PAPPA2: variants seen among roughly 807,000 people sequenced by gnomAD.
PAPPA2 encodes pappalysin 2.
A neutral mutation model predicts 176.4 loss-of-function variants in PAPPA2; 86 were observed. That is an observed-to-expected ratio of 0.49 (90% confidence interval 0.41 to 0.58). PAPPA2 has a LOEUF of 0.58. Among genes scored for constraint, PAPPA2 ranks in the 20% least tolerant of loss-of-function variants. PAPPA2 has a pLI of 0.00. For synonymous variants in PAPPA2, 809 were observed against 852.2 expected (o/e 0.95, Z 0.88); for missense variants, 2,073 against 2,256.9 (o/e 0.92, Z 1.65).
intron 21 of PAPPA2, among the ~76,000 whole-genome samples, chr1:176,830,852 T>A (rs1371024967): frequency 6.6e-6 from 1 of 152,136 alleles, no homozygotes; most frequent in Non-Finnish European, 1.5e-5. Context: ...TGGCAATGAG[T>A]CCACCTGATG....
intron 5 of PAPPA2, 92 bp from the exon 6 acceptor site, chr1:176,692,034 C>A: frequency 1.6e-6 from 2 of 1,242,394 alleles, no homozygotes; most frequent in Non-Finnish European, 2.3e-6. Flanking sequence ...TAAGTTAACT[C>A]AGCCATGAAC....
At chr1:176,633,692 A>G (rs543126879) in intron 3 of PAPPA2, among the ~76,000 whole-genome samples, 26 of 152,302 alleles carry the variant, frequency 1.7e-4, no homozygotes, top group African/African-American at 5.8e-4. Context: ...TTTGCAATCT[A>G]CTCATCTGAC....
chr1:176,556,787 G>A lies in PAPPA2; in HGVS notation c.465G>A (p.Glu155=). The A allele has an allele frequency of 6.2e-7, 1 of 1,614,134 alleles. No individual in the cohort carries two copies. Residue 155 remains glutamate (E), a synonymous_variant, in exon 2 of 23, where the codon GAG becomes GAA. Transcript: ENST00000367662. Reference sequence around the variant, plus strand: ...ATCTCGGCAATCAAAGATCCAAGGAGTCTCTAGGTGAGGCCGGGATTCAGA... The same window carrying A: ...ATCTCGGCAATCAAAGATCCAAGGAATCTCTAGGTGAGGCCGGGATTCAGA... ...DAYLGNQRSK[E]SLGEAGIQKG...
chr1:176,593,091 A>C (rs1352973691), intron 2 of PAPPA2, among the ~76,000 whole-genome samples: 1 of 152,214 alleles, frequency 6.6e-6, no homozygotes, highest in Non-Finnish European at 1.5e-5. Flanking sequence ...TAGTTGTTAG[A>C]ATTACTGGGT....
At chr1:176,475,576 C>T (rs902279292) in intron 1 of PAPPA2, among the ~76,000 whole-genome samples, 1 of 152,132 alleles carries the variant, frequency 6.6e-6, no homozygotes, top group African/African-American at 2.4e-5. Context: ...TTATGGAGTC[C>T]TCCAGGATGG....
intron 21 of PAPPA2, among the ~76,000 whole-genome samples, chr1:176,806,195 A>G (rs1665899640): frequency 6.6e-6 from 1 of 152,140 alleles, no homozygotes; most frequent in African/African-American, 2.4e-5. Context: ...TCTAAATTCA[A>G]TGCATACCTT....
chr1:176,722,692 A>G (rs1461978428), intron 12 of PAPPA2, among the ~76,000 whole-genome samples: 1 of 152,032 alleles, frequency 6.6e-6, no homozygotes, highest in East Asian at 1.9e-4. Flanking sequence ...TTTCCCTTCA[A>G]TGTGTTCTTT....
intron 1 of PAPPA2, among the ~76,000 whole-genome samples, chr1:176,540,523 A>G (rs1252153781): frequency 1.3e-5 from 2 of 152,202 alleles, no homozygotes; most frequent in Non-Finnish European, 2.9e-5. Context: ...CTGTGAGGCA[A>G]TCCAGAGCGG....
intron 3 of PAPPA2, among the ~76,000 whole-genome samples, chr1:176,610,035 G>C (rs535923997): frequency 1.1e-3 from 174 of 152,224 alleles, no homozygotes; most frequent in African/African-American, 4.1e-3. Flanking sequence ...TCATGAGGCA[G>C]AAAGCACGAA....
chr1:176,517,532 T>C (rs1350743933), intron 1 of PAPPA2, among the ~76,000 whole-genome samples: 1 of 152,180 alleles, frequency 6.6e-6, no homozygotes. Flanking sequence ...ACAGCTCTTC[T>C]CAGGCAGGAG....
chr1:176,769,110 A>G (rs942450071), intron 15 of PAPPA2, among the ~76,000 whole-genome samples: 1 of 152,222 alleles, frequency 6.6e-6, no homozygotes, highest in Non-Finnish European at 1.5e-5. Context: ...GAAGGAGCAG[A>G]AACTGTGTAG....
chr1:176,692,026 A>G (rs1272392106), intron 5 of PAPPA2, 100 bp from the exon 6 acceptor site: 2 of 1,143,492 alleles, frequency 1.7e-6, no homozygotes, highest in Admixed American at 4.4e-5. Context: ...GAGCCTAATA[A>G]GTTAACTCAG....
chr1:176,466,007 T>C (rs1651602571), intron 1 of PAPPA2, among the ~76,000 whole-genome samples: 1 of 152,208 alleles, frequency 6.6e-6, no homozygotes, highest in African/African-American at 2.4e-5. Context: ...ATTAGTTATC[T>C]ATTAAATGTC....
At chr1:176,558,528 A>T (rs1651465491) in intron 2 of PAPPA2, among the ~76,000 whole-genome samples, 1 of 152,118 alleles carries the variant, frequency 6.6e-6, no homozygotes, top group African/African-American at 2.4e-5. Flanking sequence ...GACACTGAGC[A>T]TTCTCAAGTC....
chr1:176,602,026 GA>G (rs754441502), intron 3 of PAPPA2, among the ~76,000 whole-genome samples: 111 of 152,128 alleles, frequency 7.3e-4, no homozygotes, highest in Non-Finnish European at 1.3e-3. Flanking sequence ...ATAATGTGGA[GA>G]AAAGTCTCCA....
chr1:176,733,403 A>G (rs1662250723), intron 12 of PAPPA2, among the ~76,000 whole-genome samples: 1 of 152,182 alleles, frequency 6.6e-6, no homozygotes, highest in Admixed American at 6.6e-5. Context: ...ATTTCCATCA[A>G]AAACTAACTG....
chr1:176,778,687 C>T (rs1336639615), intron 17 of PAPPA2, among the ~76,000 whole-genome samples: 1 of 152,188 alleles, frequency 6.6e-6, no homozygotes, highest in Admixed American at 6.5e-5. Flanking sequence ...TAAACCTATA[C>T]ACTTATATAC....
chr1:176,833,314 G>C (rs1173191905), intron 21 of PAPPA2, among the ~76,000 whole-genome samples: 1 of 152,184 alleles, frequency 6.6e-6, no homozygotes, highest in Non-Finnish European at 1.5e-5. Context: ...TCCCAAGTGA[G>C]CCAAGCTACC....
At chr1:176,463,830 C>T (rs894080991) in intron 1 of PAPPA2, among the ~76,000 whole-genome samples, 1 of 152,102 alleles carries the variant, frequency 6.6e-6, no homozygotes, top group Non-Finnish European at 1.5e-5. Flanking sequence ...CCTCTGCAGA[C>T]ACCTTCTCAT....
Sources: gnomAD v4.1 joint callset for allele counts (sites outside exome capture counted in the v4.1 genomes callset) on GRCh38, gnomAD v4.1.1 for gene constraint, MANE v1.5 for transcripts, NCBI Gene and HGNC (gene_info 2026-07-23, HGNC 2026-07-21) for gene names.